GTF2IRD1: variants seen among roughly 807,000 people sequenced by gnomAD.
The protein encoded by GTF2IRD1 is GTF2I repeat domain containing 1, also known as general transcription factor II-I repeat domain-containing protein 1.
Under a neutral mutation model 113.2 loss-of-function variants are expected in GTF2IRD1, and 26 were observed. That is an observed-to-expected ratio of 0.23 (90% CI 0.17 to 0.32). The LOEUF (loss-of-function observed/expected upper bound fraction) is 0.32. Among genes scored for constraint, GTF2IRD1 ranks in the 10% least tolerant of loss-of-function variants. The pLI is 1.00. For synonymous variants in GTF2IRD1, 484 were observed against 529.1 expected (o/e 0.91, Z 1.17); for missense variants, 864 against 1,280.8 (o/e 0.67, Z 4.97).
At chr7:74,473,802 T>G (rs2117035151) in intron 1 of GTF2IRD1, among the ~76,000 whole-genome samples, 1 of 152,264 alleles carries the variant, frequency 6.6e-6, no homozygotes, top group Non-Finnish European at 1.5e-5. Flanking sequence ...CCCACTGCCC[T>G]ATTTTTGGCT....
At chr7:74,542,085 G>T (rs587745553) in intron 14 of GTF2IRD1, among the ~76,000 whole-genome samples, 1 of 148,344 alleles carries the variant, frequency 6.7e-6, no homozygotes, top group Non-Finnish European at 1.5e-5. Context: ...GCCACAGCAA[G>T]ACACCATCTC....
chr7:74,555,088 T>C lies in GTF2IRD1; in HGVS notation c.1917-86T>C, dbSNP rs56140607. 236,177 of 1,246,824 alleles carry C rather than the reference T, an allele frequency of 0.19. 23,818 individuals carry two copies. The highest frequency in any genetic ancestry group is 0.21 in the Non-Finnish European group (179,606 of 867,136). The allele number at this position is 1,246,824 out of a possible 1,614,324, so 77.2% of individuals were successfully genotyped here. On this transcript the variant is annotated intron_variant, in intron 17 of 26. Transcript: ENST00000424337. This position sits in a 1 kb window ranked among gnomAD's most constrained non-coding sequence, Gnocchi z 5.3. ...GCCAGAAGGGTCCATTGCAGGGCTG[T>C]GTAGACTGAGGCCCAGAGAGGAGGG...
At chr7:74,600,382 G>A (rs1466955707) in intron 25 of GTF2IRD1, among the ~76,000 whole-genome samples, 2 of 152,036 alleles carry the variant, frequency 1.3e-5, no homozygotes, top group African/African-American at 4.8e-5. Context: ...TTGCACCATG[G>A]CACTCCAGCC....
chr7:74,528,803 G>A (rs13221023), intron 8 of GTF2IRD1, among the ~76,000 whole-genome samples: 1,081 of 51,004 alleles, frequency 0.021, 10 homozygotes, highest in Middle Eastern at 0.085. Flanking sequence ...GGGTGGGTGG[G>A]TGGATGGATG....
intron 22 of GTF2IRD1, among the ~76,000 whole-genome samples, chr7:74,567,951 A>AT (rs1345001468): frequency 3.3e-5 from 5 of 151,662 alleles, no homozygotes; most frequent in Non-Finnish European, 7.4e-5. Context: ...GCGCCCGACT[A>AT]TTTTTTGTAT....
chr7:74,520,885 T>TATA (rs1554345772), intron 6 of GTF2IRD1, among the ~76,000 whole-genome samples: 6 of 139,598 alleles, frequency 4.3e-5, no homozygotes, highest in African/African-American at 1.3e-4. Context: ...TTATTATTAT[T>TATA]ATAAGGGGGA....
chr7:74,471,066 A>G (rs1794054054), intron 1 of GTF2IRD1, among the ~76,000 whole-genome samples: 1 of 152,124 alleles, frequency 6.6e-6, no homozygotes, highest in Non-Finnish European at 1.5e-5. Flanking sequence ...CAGCCTCCCA[A>G]AGTGCTGGGA....
rs587662777 is a variant in GTF2IRD1, at chr7:74,587,540, G to A, written c.2321-2311G>A. Among the ~76,000 whole-genome samples the A allele has an allele frequency of 4.1e-4, 62 of 152,174 alleles. 1 individual carries two copies. The highest frequency in any genetic ancestry group is 6.8e-3 in the Middle Eastern group (2 of 294). On this transcript the variant is annotated intron_variant, in intron 22 of 26. Transcript: ENST00000424337. The stretch of plus-strand genomic sequence containing the variant: ...CATCCGGCCCTGGCTCCCTGCCTGC[G>A]TCTAGCTCCACCCCACAACATCTCA...
chr7:74,531,090 G>C (rs782563119), intron 9 of GTF2IRD1, among the ~76,000 whole-genome samples: 1 of 150,614 alleles, frequency 6.6e-6, no homozygotes, highest in Non-Finnish European at 1.5e-5. Flanking sequence ...AATAGGCCAG[G>C]CATGGTGGCC....
At chr7:74,529,672 C>T (rs1554348191) in intron 8 of GTF2IRD1, 62 bp from the exon 9 acceptor site, 19 of 1,477,478 alleles carry the variant, frequency 1.3e-5, no homozygotes, top group East Asian at 9.4e-5. Context: ...CCGCAGCTCC[C>T]GGGTCCTGTG....
At chr7:74,521,477 C>T (rs1354315864) in intron 7 of GTF2IRD1, among the ~76,000 whole-genome samples, 180 bp downstream of exon 7, 1 of 152,060 alleles carries the variant, frequency 6.6e-6, no homozygotes, top group African/African-American at 2.4e-5. Flanking sequence ...ATAAACTACC[C>T]CAAACTAGGC....
chr7:74,579,223 C>T (rs1157179867), intron 22 of GTF2IRD1, among the ~76,000 whole-genome samples: 2 of 151,912 alleles, frequency 1.3e-5, no homozygotes, highest in Non-Finnish European at 1.5e-5. Flanking sequence ...CAGGAGACTG[C>T]GGCAGGAGGA....
intron 22 of GTF2IRD1, among the ~76,000 whole-genome samples, chr7:74,574,069 C>T (rs587705627): frequency 3.8e-4 from 58 of 151,898 alleles, no homozygotes; most frequent in African/African-American, 9.7e-4. Flanking sequence ...CTGCAACCTC[C>T]GCCTCCCGGG....
At chr7:74,514,339 C>T (rs1177072810) in intron 3 of GTF2IRD1, among the ~76,000 whole-genome samples, 5 of 152,142 alleles carry the variant, frequency 3.3e-5, no homozygotes, top group African/African-American at 1.2e-4. Context: ...GAGCCTAGAC[C>T]TTCTCCAGGG....
intron 1 of GTF2IRD1, among the ~76,000 whole-genome samples, chr7:74,502,156 C>G (rs530364051): frequency 1.3e-5 from 2 of 152,312 alleles, no homozygotes; most frequent in East Asian, 3.9e-4. Flanking sequence ...CCAGGCTGGT[C>G]TTGAACTTCT....
intron 22 of GTF2IRD1, among the ~76,000 whole-genome samples, chr7:74,584,500 T>C (rs1211715234): frequency 2.6e-5 from 4 of 152,170 alleles, no homozygotes; most frequent in Non-Finnish European, 5.9e-5. Context: ...TATCCTGTGC[T>C]CAGTAAATCT....
intron 26 of GTF2IRD1, chr7:74,601,524 G>A: frequency 2.9e-6 from 4 of 1,398,240 alleles, no homozygotes; most frequent in East Asian, 2.6e-5. Flanking sequence ...TGTAATCCCA[G>A]CACTTTGGCA....
intron 1 of GTF2IRD1, among the ~76,000 whole-genome samples, chr7:74,486,178 C>T (rs1220821894): frequency 1.3e-5 from 2 of 152,072 alleles, no homozygotes; most frequent in East Asian, 3.9e-4. Context: ...ACCATGTTGG[C>T]CAGGCTGGTC....
At position 74,547,167 on chromosome 7, in the gene GTF2IRD1, G is replaced by A. The variant is rs1554353509; in HGVS notation, c.1797G>A (p.Glu599=). 1.2e-6 allele frequency: 2 copies of A among 1,613,770 alleles called. No individual in the cohort carries two copies. Among genetic ancestry groups the A allele is most frequent in the Admixed American group, 3.3e-5 (2 of 60,012 alleles). Residue 599 remains glutamate (E), a synonymous_variant, in exon 17 of 27, where the codon GAG becomes GAA. Transcript: ENST00000424337. ...VPYSKFLMHP[E]ELFVVGLPEG... Reference sequence around the variant, plus strand: ...ACTCCAAGTTTCTGATGCACCCGGAGGAGCTGTTTGTGGTGGGACTGCCTG... The same window carrying A: ...ACTCCAAGTTTCTGATGCACCCGGAAGAGCTGTTTGTGGTGGGACTGCCTG...
Sources: gnomAD v4.1 joint callset for allele counts (sites outside exome capture counted in the v4.1 genomes callset) on GRCh38, gnomAD v4.1.1 for gene constraint, Gnocchi (gnomAD v3.1) non-coding constraint, MANE v1.5 for transcripts, NCBI Gene and HGNC (gene_info 2026-07-23, HGNC 2026-07-21) for gene names.